The following SYT17 variants were observed in gnomAD, a reference collection of about 807,000 sequenced individuals.
SYT17 encodes the protein synaptotagmin-17.
A neutral mutation model predicts 46.7 loss-of-function variants in SYT17; 22 were observed. The observed-to-expected ratio is 0.47, with a 90% CI of 0.34 to 0.67. The LOEUF (loss-of-function observed/expected upper bound fraction) is 0.67, where lower values mean the gene tolerates loss of function less well. Ranked by LOEUF, SYT17 falls within the 30% of genes least tolerant of loss-of-function variation. SYT17 has a pLI of 0.01. For missense variants in SYT17, 519 were observed against 612.8 expected, an observed-to-expected ratio of 0.85 and a Z score of 1.62; for synonymous variants, 251 against 248.4, an observed-to-expected ratio of 1.01 and a Z score of -0.10.
Position 19,267,926 on chromosome 16 carries a change from T to C in SYT17, c.*850T>C. 1 of 151,350 alleles carries C rather than the reference T, an allele frequency of 6.6e-6. No individual in the cohort carries two copies. The highest frequency in any genetic ancestry group is 1.5e-5 in the Non-Finnish European group (1 of 68,446). 9.4% of individuals were successfully genotyped at this position (151,350 alleles called of 1,614,324 possible). A position where few individuals can be genotyped will look rare whatever the true frequency, so the allele number is the denominator to read the frequency against. On this transcript the variant is annotated 3_prime_UTR_variant, in exon 8 of 8. Coordinates refer to ENST00000355377, the MANE Select transcript of SYT17 (RefSeq NM_016524.4). ...CTCCTGTCTGTCAGAGATCCCACTT[T>C]GGATAAAAGTAGTGTGTGTGTGTGT...
chr16:19,189,465 C>T (rs1964928165), intron 5 of SYT17, among the ~76,000 whole-genome samples: 1 of 151,436 alleles, frequency 6.6e-6, no homozygotes, highest in Admixed American at 6.6e-5. Flanking sequence ...CTCAGCCTTT[C>T]AAGTGGCTGG....
Position 19,267,226 on chromosome 16 carries a change from CCT to C in SYT17, c.*154_*155del. 1 of 685,326 alleles carries C rather than the reference CCT, an allele frequency of 1.5e-6. No individual in the cohort carries two copies. Among genetic ancestry groups the C allele is most frequent in the African/African-American group, 1.8e-5 (1 of 55,408 alleles). 42.5% of individuals were successfully genotyped at this position (685,326 alleles called of 1,614,324 possible). On this transcript the variant is annotated 3_prime_UTR_variant, in exon 8 of 8. Coordinates refer to ENST00000355377, the MANE Select transcript of SYT17 (RefSeq NM_016524.4). ...ACACAGACACACAGATACCCCAAAT[CCT>C]CTCAGAACTGAGAGGAAGCTGACTA...
chr16:19,190,856 T>C (rs971824842), intron 5 of SYT17, among the ~76,000 whole-genome samples: 1 of 151,578 alleles, frequency 6.6e-6, no homozygotes, highest in Middle Eastern at 3.4e-3. Flanking sequence ...TTGGATTGCC[T>C]CCACCCAATG....
intron 7 of SYT17, among the ~76,000 whole-genome samples, chr16:19,230,241 C>T (rs995356250): frequency 6.6e-6 from 1 of 152,112 alleles, no homozygotes; most frequent in East Asian, 1.9e-4. Flanking sequence ...AACCCCATCT[C>T]TATAAAAATA....
chr16:19,210,528 G>T (rs772229810), intron 5 of SYT17, among the ~76,000 whole-genome samples: 4 of 150,124 alleles, frequency 2.7e-5, no homozygotes, highest in Admixed American at 1.3e-4. Context: ...TTTCTTAAAG[G>T]GTATTTCAGA....
chr16:19,236,624 A>G (rs1431972386), intron 7 of SYT17, among the ~76,000 whole-genome samples: 3 of 152,200 alleles, frequency 2.0e-5, no homozygotes, highest in African/African-American at 7.2e-5. Flanking sequence ...TTATTACAGC[A>G]AAAGGGTGCA....
At chr16:19,178,360 C>T (rs938091439) in intron 3 of SYT17, among the ~76,000 whole-genome samples, 12 of 152,046 alleles carry the variant, frequency 7.9e-5, no homozygotes, top group African/African-American at 2.9e-4. Context: ...GCTGGGATTA[C>T]AGACGTGAGC....
intron 5 of SYT17, among the ~76,000 whole-genome samples, chr16:19,198,258 T>A (rs1544356): frequency 0.16 from 24,516 of 151,994 alleles, 2,119 homozygotes; most frequent in African/African-American, 0.2. Flanking sequence ...AACACTGATC[T>A]CAGTAGTACT....
At chr16:19,172,305 C>A in intron 1 of SYT17, 1 of 1,306,616 alleles carries the variant, frequency 7.7e-7, no homozygotes, top group Non-Finnish European at 9.7e-7. Flanking sequence ...GGTAGGGCCT[C>A]CGGGAGGGCG....
chr16:19,260,567 G>A (rs557695752), intron 7 of SYT17, among the ~76,000 whole-genome samples: 6 of 142,484 alleles, frequency 4.2e-5, no homozygotes, highest in African/African-American at 1.5e-4. Context: ...TCAGTCTTAA[G>A]ATCTGTCTTC....
At chr16:19,240,130 C>T (rs931179638) in intron 7 of SYT17, among the ~76,000 whole-genome samples, 1 of 152,224 alleles carries the variant, frequency 6.6e-6, no homozygotes, top group Non-Finnish European at 1.5e-5. Flanking sequence ...CAGCTCTCCT[C>T]TCCTTCTTTC....
intron 5 of SYT17, among the ~76,000 whole-genome samples, chr16:19,212,522 G>A (rs765127577): frequency 2.6e-5 from 4 of 152,164 alleles, no homozygotes; most frequent in Non-Finnish European, 5.9e-5. Flanking sequence ...TCGGGAGGCT[G>A]AGGCACAAGA....
In SYT17 at chr16:19,266,941, C is replaced by T. The variant is rs781380861; in HGVS notation, c.1290C>T (p.Tyr430=). 6.2e-7 allele frequency: 1 copy of T among 1,613,804 alleles called. No homozygotes were observed. Residue 430 remains tyrosine, a synonymous_variant, in exon 8 of 8, where the codon TAC becomes TAT. Transcript: ENST00000355377. ...DFIGRIVIGQ[Y]SSGPSETNHW... ...TCGGGAGGATCGTCATTGGCCAGTA[C>T]TCTTCAGGCCCCTCTGAGACCAACC...
intron 2 of SYT17, chr16:19,173,154 C>T (rs1226246624): frequency 1.7e-5 from 9 of 541,112 alleles, no homozygotes; most frequent in Non-Finnish European, 2.9e-5. Flanking sequence ...AAGACGTTCA[C>T]ATAAACTACA....
chr16:19,230,683 AG>A (rs1966648751), intron 7 of SYT17, among the ~76,000 whole-genome samples: 1 of 152,236 alleles, frequency 6.6e-6, no homozygotes, highest in African/African-American at 2.4e-5. Context: ...GGGAATAGTT[AG>A]GCGTAATAGT....
intron 5 of SYT17, among the ~76,000 whole-genome samples, chr16:19,190,768 C>CTG (rs56947560): frequency 0.025 from 3,675 of 144,764 alleles, 124 homozygotes; most frequent in African/African-American, 0.075. Flanking sequence ...AATAATATTC[C>CTG]TGTGTGTGTG....
intron 5 of SYT17, among the ~76,000 whole-genome samples, chr16:19,194,197 A>G (rs1457112564): frequency 1.3e-5 from 2 of 152,202 alleles, no homozygotes; most frequent in East Asian, 3.9e-4. Flanking sequence ...GAGGTGCCCA[A>G]TCTTTGCAAG....
chr16:19,173,201 C>A lies in SYT17; in HGVS notation c.34-229C>A, dbSNP rs142439660. The A allele has an allele frequency of 3.2e-5, 18 of 561,896 alleles. No homozygotes were observed. The African/African-American group carries it at 3.4e-4, about 11-fold the overall frequency. 34.8% of individuals were successfully genotyped at this position (561,896 alleles called of 1,614,324 possible). On this transcript the variant is annotated intron_variant, in intron 2 of 7. Coordinates refer to ENST00000355377, the MANE Select transcript of SYT17 (RefSeq NM_016524.4). ...CTGCAAATGTTTTGCTTGCTACTAA[C>A]GGCTCCAGCGAGTTGATGTTTGCTA... is the stretch of plus-strand genomic sequence containing the variant.
At position 19,183,839 on chromosome 16, in the gene SYT17, A is replaced by G; in HGVS notation, c.643A>G (p.Ile215Val). The change falls in exon 5 of 8, where the codon ATC (isoleucine) becomes GTC (valine). Residue 215 changes from isoleucine (I) to valine (V), a missense_variant. By Grantham distance (29) the Ile-to-Val change is conservative. Coordinates refer to ENST00000355377, the MANE Select transcript of SYT17 (RefSeq NM_016524.4). The surrounding 1 kb of genome is among the most constrained non-coding windows in gnomAD (Gnocchi z 5.6). ...CGAGGCCAGGGACCTGCCACCTCCC[A>G]TCTCCCACGATGGCTCGCGCCAGGA... ...VIEARDLPPP[I>V]SHDGSRQDMA... 1.9e-6 allele frequency: 3 copies of G among 1,614,072 alleles called. No homozygotes were observed. Among genetic ancestry groups the G allele is most frequent in the African/African-American group, 1.3e-5 (1 of 75,024 alleles).
Sources: allele counts gnomAD v4.1 joint callset (sites outside exome capture counted in the v4.1 genomes callset), GRCh38; gene constraint gnomAD v4.1.1; non-coding constraint Gnocchi (gnomAD v3.1); transcripts MANE v1.5; gene names NCBI Gene and HGNC (gene_info 2026-07-23, HGNC 2026-07-21).